Variants in ADAMTS9 observed in about 807,000 individuals in gnomAD.
ADAMTS9 encodes A disintegrin and metalloproteinase with thrombospondin motifs 9.
A neutral mutation model predicts 257.1 loss-of-function variants in ADAMTS9; 107 were observed. The observed-to-expected ratio is 0.42, with a 90% CI of 0.36 to 0.49. The LOEUF (loss-of-function observed/expected upper bound fraction) is 0.49. ADAMTS9 is among the 20% of genes least tolerant of loss of function. ADAMTS9 has a pLI of 0.03. For synonymous variants in ADAMTS9, 982 were observed against 880.9 expected, an observed-to-expected ratio of 1.11 and a Z score of -2.03; for missense variants, 2,353 against 2,469.1, an observed-to-expected ratio of 0.95 and a Z score of 1.00.
At chr3:64,553,595 C>T (rs765005173) in intron 30 of ADAMTS9, among the ~76,000 whole-genome samples, 20 of 151,954 alleles carry the variant, frequency 1.3e-4, no homozygotes, top group Admixed American at 3.9e-4. Context: ...TAGTATGCCC[C>T]GTGCCTTTCG....
chr3:64,629,268 C>A (rs2106884440), intron 16 of ADAMTS9, among the ~76,000 whole-genome samples: 1 of 152,300 alleles, frequency 6.6e-6, no homozygotes, highest in Non-Finnish European at 1.5e-5. Flanking sequence ...AATGTACCAG[C>A]CAGAGTGCTC....
chr3:64,608,935 TG>T (rs140257284), intron 22 of ADAMTS9, among the ~76,000 whole-genome samples: 9 of 152,046 alleles, frequency 5.9e-5, no homozygotes, highest in African/African-American at 1.9e-4. Flanking sequence ...CATGGCCAAG[TG>T]GGATTTAGTC....
chr3:64,535,646 C>T (rs1039215947), intron 37 of ADAMTS9, among the ~76,000 whole-genome samples: 6 of 150,810 alleles, frequency 4.0e-5, no homozygotes, highest in African/African-American at 9.8e-5. Flanking sequence ...CTCTGCCTCC[C>T]GGGTTCAAAT....
intron 6 of ADAMTS9, 60 bp from the exon 7 acceptor site, chr3:64,654,672 A>C (rs1378325582): frequency 6.3e-7 from 1 of 1,585,838 alleles, no homozygotes; most frequent in Non-Finnish European, 8.7e-7. Context: ...AATACAAGTA[A>C]ATACTTTAGG....
chr3:64,660,715 A>C (rs1171307277), intron 3 of ADAMTS9, among the ~76,000 whole-genome samples: 1 of 152,172 alleles, frequency 6.6e-6, no homozygotes, highest in Non-Finnish European at 1.5e-5. Flanking sequence ...TGACAGCCTC[A>C]CAGTGCAAGA....
At chr3:64,668,241 G>A (rs761084466) in intron 3 of ADAMTS9, among the ~76,000 whole-genome samples, 8 of 152,130 alleles carry the variant, frequency 5.3e-5, no homozygotes, top group Admixed American at 1.3e-4. Flanking sequence ...TAGTAGCCAC[G>A]TTTTTTTAAC....
At chr3:64,563,255 T>TTAA (rs1386562035) in intron 29 of ADAMTS9, 1 of 152,192 alleles carries the variant, frequency 6.6e-6, no homozygotes, top group African/African-American at 2.4e-5. Flanking sequence ...TACTGTAACA[T>TTAA]GATAGAGTTA....
chr3:64,584,409 T>C (rs1432966823), intron 28 of ADAMTS9, among the ~76,000 whole-genome samples: 2 of 151,940 alleles, frequency 1.3e-5, no homozygotes, highest in Admixed American at 6.6e-5. Flanking sequence ...GAGAAAATCA[T>C]GGGAAAAGGC....
intron 12 of ADAMTS9, among the ~76,000 whole-genome samples, chr3:64,636,922 T>A (rs970936511): frequency 3.3e-5 from 5 of 152,194 alleles, no homozygotes; most frequent in Non-Finnish European, 7.3e-5. Flanking sequence ...TGTCCTACGT[T>A]CCAAATTCTG....
intron 28 of ADAMTS9, among the ~76,000 whole-genome samples, chr3:64,591,450 A>AG (rs1559781069): frequency 1.3e-5 from 2 of 152,038 alleles, no homozygotes; most frequent in Non-Finnish European, 2.9e-5. Flanking sequence ...AAAAAAAAAA[A>AG]GGAACCTTAT....
chr3:64,564,503 G>A (rs900057946), intron 29 of ADAMTS9, among the ~76,000 whole-genome samples: 17 of 152,172 alleles, frequency 1.1e-4, no homozygotes, highest in Non-Finnish European at 1.2e-4. Context: ...AACAATAATA[G>A]CAATAATAAC....
Position 64,649,682 on chromosome 3 carries a change from T to C in ADAMTS9, c.1560A>G (p.Gln520=), listed in dbSNP as rs765080050. Residue 520 remains glutamine, a synonymous_variant, in exon 10 of 40, where the codon CAA becomes CAG. Coordinates refer to ENST00000498707, the MANE Select transcript of ADAMTS9 (RefSeq NM_182920.2). ...AACCTGGTCCAAAAATCAATTCACA[T>C]TGTTTATTCACGTTGTAAAGGATGC... is the stretch of plus-strand genomic sequence containing the variant. ...LPGILYNVNK[Q]CELIFGPGSQ... 2.2e-5 allele frequency: 36 copies of C among 1,613,822 alleles called. No homozygotes were observed. The highest frequency in any genetic ancestry group is 3.3e-5 in the Admixed American group (2 of 59,968).
rs574494905 is a variant in ADAMTS9, at chr3:64,535,613, G to A, written c.5614-2343C>T. Among the ~76,000 whole-genome samples the A allele has an allele frequency of 6.3e-5, 9 of 141,778 alleles. No homozygotes were observed. In the South Asian group the frequency reaches 1.1e-3, roughly 18 times the overall value. 93.0% of individuals were successfully genotyped at this position (141,778 alleles called of 152,430 possible). A position where few individuals can be genotyped will look rare whatever the true frequency, so the allele number is the denominator to read the frequency against. On this transcript the variant is annotated intron_variant, in intron 37 of 39. Transcript: ENST00000498707. ...CTGTCACCTAGGCTGGAGTGCAGTC[G>A]CATAATTTTGGCTCACTGCAACCTC...
intron 29 of ADAMTS9, among the ~76,000 whole-genome samples, chr3:64,562,220 T>C (rs576925203): frequency 6.6e-6 from 1 of 152,164 alleles, no homozygotes; most frequent in South Asian, 2.1e-4. Context: ...TTTTAGGACT[T>C]TATAAGTAGA....
rs1305912136 is a variant in ADAMTS9, at chr3:64,533,210, T to C, written c.5674A>G (p.Ile1892Val). Reference sequence around the variant, plus strand: ...GAGACAGCATAATTCCCTTGTGATATCCATCTGGCAGATTCAGTTAAAGAC... The same window carrying C: ...GAGACAGCATAATTCCCTTGTGATACCCATCTGGCAGATTCAGTTAAAGAC... Reference protein sequence around the residue: ...GLSLTESARWISQGNYAVSDI... With the variant: ...GLSLTESARWVSQGNYAVSDI... The change falls in exon 38 of 40, where the codon ATA becomes GTA. Residue 1892 changes from isoleucine (I) to valine (V), a missense_variant. Around this residue, in one of 3 missense-constraint regions of ADAMTS9, gnomAD observed 1,402 missense variants for 1,441.4 expected, o/e 0.97. Transcript: ENST00000498707. 4 of 1,614,010 alleles carry C rather than the reference T, an allele frequency of 2.5e-6. No individual in the cohort carries two copies. In the South Asian group the frequency reaches 3.3e-5, roughly 13 times the overall value.
intron 22 of ADAMTS9, among the ~76,000 whole-genome samples, chr3:64,610,505 A>T (rs1559790551): frequency 1.3e-5 from 2 of 151,762 alleles, no homozygotes; most frequent in African/African-American, 4.8e-5. Flanking sequence ...CACAATTCAT[A>T]TTTTTTTTTA....
In ADAMTS9 at chr3:64,658,559, T is replaced by G; in HGVS notation, c.912A>C (p.Arg304Ser). The G allele has an allele frequency of 6.2e-7, 1 of 1,614,204 alleles. No individual in the cohort carries two copies. Among genetic ancestry groups the G allele is most frequent in the Non-Finnish European group, 8.5e-7 (1 of 1,180,032 alleles). ...FVEVLVVADN[R>S]MVSYHGENLQ... is the part of the protein sequence containing the mutation. ...GGTTTTCTCCATGGTATGAAACCAT[T>G]CTGTTGTCTGCCACCACCAAGACTT... Residue 304 changes from arginine (R) to serine (S), a missense_variant, in exon 4 of 40, where the codon AGA becomes AGC. Coordinates refer to ENST00000498707, the MANE Select transcript of ADAMTS9 (RefSeq NM_182920.2).
intron 38 of ADAMTS9, among the ~76,000 whole-genome samples, chr3:64,529,282 C>T (rs1389349166): frequency 6.6e-6 from 1 of 152,244 alleles, no homozygotes; most frequent in Non-Finnish European, 1.5e-5. Context: ...ACCAGTTCTG[C>T]TCTTGGAAGT....
At chr3:64,658,447 T>C in intron 4 of ADAMTS9, 55 bp downstream of exon 4, 1 of 1,545,654 alleles carries the variant, frequency 6.5e-7, no homozygotes, top group African/African-American at 1.4e-5. Context: ...GGAAACCCAT[T>C]CCCCAATGGC....
Sources: allele counts gnomAD v4.1 joint callset (sites outside exome capture counted in the v4.1 genomes callset), GRCh38; gene constraint gnomAD v4.1.1; regional missense constraint gnomAD v4.1.1; transcripts MANE v1.5; gene names NCBI Gene and HGNC (gene_info 2026-07-23, HGNC 2026-07-21).